Variants in PRKCE observed in about 807,000 individuals in gnomAD.
The protein encoded by PRKCE is protein kinase C epsilon.
PRKCE carries 16 observed loss-of-function variants against 85.4 expected under a neutral mutation model. The observed-to-expected ratio is 0.19, with a 90% CI of 0.13 to 0.28. The LOEUF (loss-of-function observed/expected upper bound fraction) is 0.28. PRKCE is among the 10% of genes least tolerant of loss of function. The pLI is 1.00. For missense variants in PRKCE, 573 were observed against 975.2 expected (o/e 0.59, Z 5.49); for synonymous variants, 388 against 371.5 (o/e 1.04, Z -0.51).
rs1574353139 is a variant in PRKCE at position 46,057,476 on chromosome 2, C to T, written c.1438-28732C>T. ...TTGAGTCGGAGTTTTGCTGTGTCAC[C>T]CAGGCTGGAGTGCAGTGGCACAATC... On this transcript the variant is annotated intron_variant, in intron 10 of 14. Coordinates refer to ENST00000306156, the MANE Select transcript of PRKCE (RefSeq NM_005400.3). 5.3e-5 allele frequency among the ~76,000 whole-genome samples: 8 copies of T among 151,622 alleles called. 2 individuals are homozygous for T. The highest frequency in any genetic ancestry group is 5.2e-4 in the Admixed American group (8 of 15,254).
At chr2:45,762,301 G>C (rs1684573459) in intron 1 of PRKCE, among the ~76,000 whole-genome samples, 1 of 152,142 alleles carries the variant, frequency 6.6e-6, no homozygotes, top group African/African-American at 2.4e-5. Context: ...TGCCCAGCGG[G>C]TCTCACTATG....
chr2:46,002,186 C>T (rs115777568), intron 7 of PRKCE, among the ~76,000 whole-genome samples: 7 of 152,294 alleles, frequency 4.6e-5, no homozygotes, highest in South Asian at 2.1e-4. Context: ...GAAAGGCATC[C>T]GTAGCATTTC....
At chr2:45,979,414 G>A (rs1052819258) in intron 4 of PRKCE, among the ~76,000 whole-genome samples, 3 of 152,284 alleles carry the variant, frequency 2.0e-5, no homozygotes, top group Admixed American at 1.3e-4. Flanking sequence ...TCGCCTGCTC[G>A]TTGTACTTGG....
intron 14 of PRKCE, among the ~76,000 whole-genome samples, chr2:46,174,274 T>A (rs1196706098): frequency 6.6e-6 from 1 of 152,200 alleles, no homozygotes; most frequent in Non-Finnish European, 1.5e-5. Context: ...CCAAGTGGCC[T>A]CCCATTTTAA....
chr2:45,812,867 C>T (rs548669806), intron 1 of PRKCE, among the ~76,000 whole-genome samples: 23 of 152,266 alleles, frequency 1.5e-4, no homozygotes, highest in East Asian at 1.9e-4. Context: ...TGAAACAACA[C>T]ACATTAGCAA....
intron 1 of PRKCE, among the ~76,000 whole-genome samples, chr2:45,749,988 C>T (rs1334103625): frequency 6.6e-6 from 1 of 152,120 alleles, no homozygotes; most frequent in African/African-American, 2.4e-5. Context: ...TTAAAAAAAT[C>T]TTCACTTGTC....
In PRKCE at chr2:45,652,901, G is replaced by A. The variant is rs1675194200; in HGVS notation, c.348+453G>A. ...TTTGTCCTGCTTAGCCGAGCGAGGA[G>A]TTGCTTTATTTTTCCCTCCGAGAGG... On this transcript the variant is annotated intron_variant, in intron 1 of 14. Transcript: ENST00000306156. This position sits in a 1 kb window ranked among gnomAD's most constrained non-coding sequence, Gnocchi z 7.7. 6.6e-6 allele frequency among the ~76,000 whole-genome samples: 1 copy of A among 152,148 alleles called. No individual in the cohort carries two copies. Among genetic ancestry groups the A allele is most frequent in the South Asian group, 2.1e-4 (1 of 4,826 alleles).
At chr2:46,153,418 C>G (rs953246858) in intron 13 of PRKCE, among the ~76,000 whole-genome samples, 1 of 152,140 alleles carries the variant, frequency 6.6e-6, no homozygotes, top group Admixed American at 6.5e-5. Context: ...AATGAACAGA[C>G]AAATGACTGT....
At chr2:45,852,375 G>A (rs1692340202) in intron 2 of PRKCE, among the ~76,000 whole-genome samples, 2 of 152,320 alleles carry the variant, frequency 1.3e-5, no homozygotes, top group Non-Finnish European at 2.9e-5. Context: ...ACTTTCAGGT[G>A]TATCCATCTG....
At chr2:46,067,182 A>G (rs922110984) in intron 10 of PRKCE, among the ~76,000 whole-genome samples, 1 of 152,232 alleles carries the variant, frequency 6.6e-6, no homozygotes, top group Non-Finnish European at 1.5e-5. Flanking sequence ...CAAGCAATGC[A>G]TTCCTTTCTA....
Position 46,035,702 on chromosome 2 carries a change from G to A in PRKCE, c.1437+25185G>A, listed in dbSNP as rs145101808. Among the ~76,000 whole-genome samples the A allele has an allele frequency of 3.9e-3, 589 of 152,314 alleles. 2 individuals are homozygous for A. The highest frequency in any genetic ancestry group is 0.014 in the African/African-American group (568 of 41,558). On this transcript the variant is annotated intron_variant, in intron 10 of 14. Transcript: ENST00000306156. ...AGGTAAATATAAATTACTATATATG[G>A]TGTATATGGCACGTTATATATAGTA...
chr2:45,949,910 G>C (rs1162214427), intron 2 of PRKCE, among the ~76,000 whole-genome samples: 7 of 150,640 alleles, frequency 4.6e-5, no homozygotes, highest in Non-Finnish European at 8.9e-5. Context: ...AGAAAACTCA[G>C]TCCAAATATT....
chr2:46,138,663 G>A lies in PRKCE; in HGVS notation c.1593-6430G>A, dbSNP rs1382742255. ...ATTAGAGCAGTGGTCGTCAACCAGA[G>A]GGCCTGCAAGGGACACTTAGCAATG... On this transcript the variant is annotated intron_variant, in intron 11 of 14. Coordinates refer to ENST00000306156, the MANE Select transcript of PRKCE (RefSeq NM_005400.3). This position sits in a 1 kb window ranked among gnomAD's most constrained non-coding sequence, Gnocchi z 4.2. Among the ~76,000 whole-genome samples the A allele has an allele frequency of 6.6e-6, 1 of 152,174 alleles. No homozygotes were observed. The highest frequency in any genetic ancestry group is 6.5e-5 in the Admixed American group (1 of 15,276).
At chr2:45,986,758 T>C (rs1436299824) in intron 6 of PRKCE, among the ~76,000 whole-genome samples, 2 of 152,094 alleles carry the variant, frequency 1.3e-5, no homozygotes, top group Non-Finnish European at 2.9e-5. Context: ...ACTGTGGACA[T>C]GCCCAGCATC....
chr2:46,182,316 G>A (rs918226000), intron 14 of PRKCE, among the ~76,000 whole-genome samples: 2 of 152,088 alleles, frequency 1.3e-5, no homozygotes, highest in Non-Finnish European at 2.9e-5. Flanking sequence ...TTGCCCAGGC[G>A]CCACCCTCCC....
intron 1 of PRKCE, among the ~76,000 whole-genome samples, chr2:45,665,962 CAT>C (rs1274634931): frequency 2.0e-5 from 3 of 152,070 alleles, no homozygotes; most frequent in East Asian, 1.9e-4. Context: ...AAGTAGGTAA[CAT>C]ATTTTTGATG....
At chr2:45,900,893 G>C (rs1476049006) in intron 2 of PRKCE, among the ~76,000 whole-genome samples, 1 of 152,220 alleles carries the variant, frequency 6.6e-6, no homozygotes, top group East Asian at 1.9e-4. Flanking sequence ...AGGAGAACTA[G>C]ATTGCTTTCT....
intron 11 of PRKCE, among the ~76,000 whole-genome samples, chr2:46,142,397 C>A (rs954693181): frequency 6.6e-6 from 1 of 152,200 alleles, no homozygotes; most frequent in African/African-American, 2.4e-5. Context: ...CCACTCTTAA[C>A]TTTTTCTGTC....
chr2:45,944,721 C>T (rs1700125112), intron 2 of PRKCE, among the ~76,000 whole-genome samples: 1 of 124,066 alleles, frequency 8.1e-6, no homozygotes, highest in South Asian at 2.7e-4. Flanking sequence ...AGGCTAGTCT[C>T]GAAGTCCTGG....
Sources: gnomAD v4.1 joint callset for allele counts (sites outside exome capture counted in the v4.1 genomes callset) on GRCh38, gnomAD v4.1.1 for gene constraint, Gnocchi (gnomAD v3.1) non-coding constraint, MANE v1.5 for transcripts, NCBI Gene and HGNC (gene_info 2026-07-23, HGNC 2026-07-21) for gene names.